The following UGT1A5 variants were observed in gnomAD, a reference collection of about 807,000 sequenced individuals.
UGT1A5 encodes the protein UDP-glucuronosyltransferase 1A5.
In UGT1A5, 29 loss-of-function variants were observed where a neutral mutation model predicts 40.3. The observed-to-expected ratio is 0.72, with a 90% CI of 0.54 to 0.98. The LOEUF (loss-of-function observed/expected upper bound fraction) is 0.98. Ranked by LOEUF, UGT1A5 falls within the 50% of genes least tolerant of loss-of-function variation. UGT1A5 has a pLI of 0.00. For synonymous variants in UGT1A5, 257 were observed against 262.5 expected (o/e 0.98, Z 0.20); for missense variants, 678 against 677.9 (o/e 1.00, Z 0.00).
intron 1 of UGT1A5, chr2:233,753,430 GGTTAAT>G (rs1304983962): frequency 6.6e-6 from 1 of 152,150 alleles, no homozygotes; most frequent in African/African-American, 2.4e-5. Flanking sequence ...AGTATTTGTT[GGTTAAT>G]GATGTGTTCA....
chr2:233,747,871 T>C (rs12466997), intron 1 of UGT1A5: 130,796 of 1,613,384 alleles, frequency 0.081, 8,579 homozygotes, highest in African/African-American at 0.27. Context: ...CCTCTGGCCC[T>C]GTCCTACCTT....
At chr2:233,751,036 G>T (rs1694621697) in intron 1 of UGT1A5, among the ~76,000 whole-genome samples, 1 of 151,846 alleles carries the variant, frequency 6.6e-6, no homozygotes, top group South Asian at 2.1e-4. Context: ...AGCTTGCACT[G>T]TGTGCCTGGA....
intron 1 of UGT1A5, among the ~76,000 whole-genome samples, chr2:233,757,757 G>C (rs1696714079): frequency 6.6e-6 from 1 of 151,646 alleles, no homozygotes; most frequent in African/African-American, 2.4e-5. Context: ...TGTTTATGTT[G>C]CTCCTTTAGT....
At chr2:233,739,468 AC>A (rs1365690931) in intron 1 of UGT1A5, among the ~76,000 whole-genome samples, 1 of 152,200 alleles carries the variant, frequency 6.6e-6, no homozygotes, top group Non-Finnish European at 1.5e-5. Flanking sequence ...GCTGCCTGAG[AC>A]CGTGGGAGCC....
intron 1 of UGT1A5, among the ~76,000 whole-genome samples, chr2:233,728,459 T>G (rs570780705): frequency 6.6e-6 from 1 of 152,268 alleles, no homozygotes; most frequent in South Asian, 2.1e-4. Context: ...CTCAACAAAG[T>G]CTTCCCAAGA....
At chr2:233,722,501 C>T (rs767685172) in intron 1 of UGT1A5, among the ~76,000 whole-genome samples, 36 of 152,106 alleles carry the variant, frequency 2.4e-4, no homozygotes, top group Non-Finnish European at 3.8e-4. Context: ...TTTTCCGTTT[C>T]GTTAATTGCA....
rs551912265 is a variant in UGT1A5 at position 233,725,264 on chromosome 2, G to GGAGGCAGAGGCA, written c.867+11448_867+11459dup. ...CAGAGGCAGAGGAGGCAGAGGCAGA[G>GGAGGCAGAGGCA]GAGGCAGAGGCAGAGGCAGAGGCAG... On this transcript the variant is annotated intron_variant, in intron 1 of 4. Transcript: ENST00000373414. Among the ~76,000 whole-genome samples, 48 of 58,548 alleles carry GGAGGCAGAGGCA rather than the reference G, an allele frequency of 8.2e-4. 10 individuals are homozygous for GGAGGCAGAGGCA. Among genetic ancestry groups the GGAGGCAGAGGCA allele is most frequent in the Non-Finnish European group, 1.1e-3 (35 of 32,858 alleles). 38.4% of individuals were successfully genotyped at this position (58,548 alleles called of 152,430 possible). A position where few individuals can be genotyped will look rare whatever the true frequency, so the allele number is the denominator to read the frequency against.
intron 1 of UGT1A5, among the ~76,000 whole-genome samples, chr2:233,764,720 G>A (rs1488683607): frequency 6.6e-6 from 1 of 152,208 alleles, no homozygotes; most frequent in African/African-American, 2.4e-5. Flanking sequence ...CCCCAAGAAA[G>A]AGGGAGAGAA....
chr2:233,715,048 CT>C lies in UGT1A5; in HGVS notation c.867+1199del, dbSNP rs900393425. On this transcript the variant is annotated intron_variant, in intron 1 of 4. Transcript: ENST00000373414. The stretch of plus-strand genomic sequence containing the variant: ...CATGGCACCACATCCAGCTAATTTT[CT>C]TTTTTTTTGTATTTTTTATGGAGAT... 1.6e-3 allele frequency among the ~76,000 whole-genome samples: 238 copies of C among 151,024 alleles called. 2 individuals carry two copies. The highest frequency in any genetic ancestry group is 5.4e-3 in the African/African-American group (222 of 41,172).
chr2:233,744,048 C>T (rs982904755), intron 1 of UGT1A5: 4 of 712,778 alleles, frequency 5.6e-6, no homozygotes, highest in Non-Finnish European at 8.0e-6. Context: ...AGCCACATCT[C>T]ATTGGTCGAG....
At chr2:233,743,823 G>C (rs752406673) in intron 1 of UGT1A5, 36 of 1,367,252 alleles carry the variant, frequency 2.6e-5, no homozygotes, top group Non-Finnish European at 3.4e-5. Flanking sequence ...TTTTTGTCGG[G>C]GTGCCACTTG....
chr2:233,766,377 A>G (rs1392093575), intron 1 of UGT1A5, among the ~76,000 whole-genome samples: 1 of 151,914 alleles, frequency 6.6e-6, no homozygotes. Flanking sequence ...AGTTCTTCTC[A>G]ATGTCCAGCT....
chr2:233,718,918 T>G (rs778450561), intron 1 of UGT1A5: 2 of 1,614,094 alleles, frequency 1.2e-6, no homozygotes, highest in Non-Finnish European at 1.7e-6. Context: ...AAGGTGTTGG[T>G]GGTGCCCACT....
rs1697406226 is a variant in UGT1A5, at chr2:233,760,332, G to C, written c.868-6702G>C. On this transcript the variant is annotated intron_variant, in intron 1 of 4. Coordinates refer to ENST00000373414, the MANE Select transcript of UGT1A5 (RefSeq NM_019078.2). Reference sequence around the variant, plus strand: ...GCGGACGCCCACTTGTCCTGGGCCTGCTGCTGTGTGTGCTGGGCCCAGTGG... The same window carrying C: ...GCGGACGCCCACTTGTCCTGGGCCTCCTGCTGTGTGTGCTGGGCCCAGTGG... 6.2e-7 allele frequency: 1 copy of C among 1,613,946 alleles called. No homozygotes were observed. Among genetic ancestry groups the C allele is most frequent in the African/African-American group, 1.3e-5 (1 of 74,948 alleles).
chr2:233,733,512 C>T (rs1027549522), intron 1 of UGT1A5, among the ~76,000 whole-genome samples: 2 of 152,148 alleles, frequency 1.3e-5, no homozygotes, highest in African/African-American at 4.8e-5. Flanking sequence ...CAGTTTTAGG[C>T]ATGAAGGGAT....
intron 1 of UGT1A5, chr2:233,742,900 A>G (rs1289893685): frequency 6.0e-6 from 1 of 165,412 alleles, no homozygotes; most frequent in Non-Finnish European, 1.3e-5. Flanking sequence ...CAACGGAAAA[A>G]GGTAATGCTC....
At chr2:233,770,680 G>T (rs940972002) in intron 4 of UGT1A5, 1 of 151,464 alleles carries the variant, frequency 6.6e-6, no homozygotes, top group African/African-American at 2.4e-5. Flanking sequence ...AAAAAAGAAG[G>T]TTCCAAGAAA....
At chr2:233,747,302 A>C (rs1182136395) in intron 1 of UGT1A5, 17 of 1,602,464 alleles carry the variant, frequency 1.1e-5, no homozygotes, top group Non-Finnish European at 1.5e-5. Flanking sequence ...GAGAGTGGGA[A>C]GGTGCTGGTG....
At chr2:233,735,095 T>A (rs2078606910) in intron 1 of UGT1A5, among the ~76,000 whole-genome samples, 2 of 152,186 alleles carry the variant, frequency 1.3e-5, no homozygotes, top group South Asian at 4.1e-4. Context: ...TGTTGAACTG[T>A]CTAATATCGA....
Sources: gnomAD v4.1 joint callset for allele counts (sites outside exome capture counted in the v4.1 genomes callset) on GRCh38, gnomAD v4.1.1 for gene constraint, MANE v1.5 for transcripts, NCBI Gene and HGNC (gene_info 2026-07-23, HGNC 2026-07-21) for gene names.